DPP6: variants seen among roughly 807,000 people sequenced by gnomAD.
DPP6 encodes A-type potassium channel modulatory protein DPP6.
A neutral mutation model predicts 122.6 loss-of-function variants in DPP6; 69 were observed. That is an observed-to-expected ratio of 0.56 (90% CI 0.46 to 0.69). The LOEUF is 0.69. Ranked by LOEUF, DPP6 falls within the 30% of genes least tolerant of loss-of-function variation. The probability of loss-of-function intolerance (pLI) is 0.00; values close to 1 mark genes in which losing one functional copy is unlikely to be tolerated. For missense variants in DPP6, 928 were observed against 1,116.9 expected (o/e 0.83, Z 2.41); for synonymous variants, 418 against 433.1 (o/e 0.97, Z 0.43).
intron 1 of DPP6, among the ~76,000 whole-genome samples, chr7:154,415,833 C>A (rs1210819522): frequency 6.6e-6 from 1 of 150,820 alleles, no homozygotes; most frequent in African/African-American, 2.4e-5. Flanking sequence ...TTTGAGGCAT[C>A]CAAAAATGAC....
At chr7:154,583,106 C>T (rs1252996521) in intron 5 of DPP6, among the ~76,000 whole-genome samples, 1 of 152,200 alleles carries the variant, frequency 6.6e-6, no homozygotes, top group African/African-American at 2.4e-5. Context: ...AAACTCTCAC[C>T]CATCTTACCA....
At chr7:154,592,949 T>G (rs1226384237) in intron 5 of DPP6, among the ~76,000 whole-genome samples, 1 of 152,028 alleles carries the variant, frequency 6.6e-6, no homozygotes, top group African/African-American at 2.4e-5. Context: ...TGAAGGCTGT[T>G]GAAGAAACAG....
chr7:153,829,229 T>A, the DPP6 span, among the ~76,000 whole-genome samples: 1 of 152,138 alleles, frequency 6.6e-6, no homozygotes, highest in Non-Finnish European at 1.5e-5. Flanking sequence ...TCCCTTTTAT[T>A]TTGAGACAGA....
intron 1 of DPP6, among the ~76,000 whole-genome samples, chr7:154,382,247 C>A (rs1006489812): frequency 6.6e-6 from 1 of 151,870 alleles, no homozygotes; most frequent in Non-Finnish European, 1.5e-5. Flanking sequence ...GAGTGCAGTG[C>A]TGCAATCTTG....
intron 1 of DPP6, among the ~76,000 whole-genome samples, chr7:154,239,185 C>T (rs1022938348): frequency 6.6e-6 from 1 of 152,220 alleles, no homozygotes; most frequent in South Asian, 2.1e-4. Flanking sequence ...TTCTGTCCAC[C>T]ATTTGTACTC....
At chr7:154,790,396 C>T (rs1205238549) in intron 10 of DPP6, among the ~76,000 whole-genome samples, 1 of 152,114 alleles carries the variant, frequency 6.6e-6, no homozygotes, top group East Asian at 1.9e-4. Context: ...AAGAACTGCC[C>T]AAAATGTGAG....
rs565426822 is a variant in DPP6 at position 154,815,845 on chromosome 7, A to G, written c.1666+8733A>G. ...CAGACTTTAAGAAGTTTGGTCTTAG[A>G]CTTAGCAGATTGGTTTATCAAGACA... On this transcript the variant is annotated intron_variant, in intron 16 of 25. Transcript: ENST00000377770. Among the ~76,000 whole-genome samples the G allele has an allele frequency of 2.0e-5, 3 of 152,278 alleles. No individual in the cohort carries two copies. The South Asian group carries it at 6.2e-4, about 32-fold the overall frequency.
At chr7:153,816,643 C>T in the DPP6 span, among the ~76,000 whole-genome samples, 1 of 152,132 alleles carries the variant, frequency 6.6e-6, no homozygotes, top group African/African-American at 2.4e-5. Flanking sequence ...GAGGAAGCCA[C>T]AGACCAAGAT....
intron 4 of DPP6, among the ~76,000 whole-genome samples, chr7:154,562,554 C>T (rs936634051): frequency 2.0e-5 from 3 of 152,122 alleles, no homozygotes; most frequent in African/African-American, 7.2e-5. Flanking sequence ...GCTGTTCACT[C>T]TCACTACTTC....
intron 1 of DPP6, among the ~76,000 whole-genome samples, chr7:154,256,649 A>G (rs770841511): frequency 5.3e-5 from 8 of 152,138 alleles, no homozygotes; most frequent in Non-Finnish European, 8.8e-5. Flanking sequence ...ATCATAACCA[A>G]ATAACAAAGG....
rs182666907 is a variant in DPP6 at position 153,979,895 on chromosome 7, C to T, written c.51+92161C>T. Among the ~76,000 whole-genome samples the T allele has an allele frequency of 3.9e-5, 6 of 152,212 alleles. No homozygotes were observed. The East Asian group carries it at 7.7e-4, about 20-fold the overall frequency. On this transcript the variant is annotated intron_variant, in intron 1 of 25. Transcript: ENST00000404039. The stretch of plus-strand genomic sequence containing the variant: ...CACCCTTACATCCCAGAGTTGAAGC[C>T]GAGTTGATCATGGTGGATAAGCTTT...
At chr7:153,813,669 A>G in the DPP6 span, among the ~76,000 whole-genome samples, 1 of 151,934 alleles carries the variant, frequency 6.6e-6, no homozygotes, top group Non-Finnish European at 1.5e-5. Context: ...CTATTTCTTC[A>G]CATCCTCTCC....
chr7:154,722,904 C>CA (rs1563141610), intron 7 of DPP6, among the ~76,000 whole-genome samples: 1 of 152,148 alleles, frequency 6.6e-6, no homozygotes, highest in Non-Finnish European at 1.5e-5. Flanking sequence ...GTTAGCATCG[C>CA]AAAACCACAG....
chr7:154,873,840 A>G (rs1346985060), intron 19 of DPP6, among the ~76,000 whole-genome samples: 6 of 148,818 alleles, frequency 4.0e-5, no homozygotes, highest in Admixed American at 4.0e-4. Context: ...ATAAACACAC[A>G]CATATGCATA....
At chr7:154,544,548 T>C (rs1332924262) in intron 4 of DPP6, among the ~76,000 whole-genome samples, 3 of 152,190 alleles carry the variant, frequency 2.0e-5, no homozygotes, top group Non-Finnish European at 4.4e-5. Flanking sequence ...ACAATAGAGT[T>C]GAGCAGTTTT....
rs951210842 is a variant in DPP6, at chr7:154,347,589, A to G, written c.244-98625A>G. On this transcript the variant is annotated intron_variant, in intron 1 of 25. Transcript: ENST00000377770. ...TAGTGTTTTGGTGTTTAATCTGTAT[A>G]CATATAAATATGCCTATCTCCTCTC... Among the ~76,000 whole-genome samples, 3 of 152,348 alleles carry G rather than the reference A, an allele frequency of 2.0e-5. No homozygotes were observed. In the South Asian group the frequency reaches 6.2e-4, roughly 32 times the overall value.
chr7:153,977,071 C>T (rs563076803), intron 1 of DPP6, among the ~76,000 whole-genome samples: 3 of 152,274 alleles, frequency 2.0e-5, no homozygotes, highest in African/African-American at 7.2e-5. Flanking sequence ...TTCATGTCAC[C>T]AAAGAGCCTT....
intron 5 of DPP6, among the ~76,000 whole-genome samples, chr7:154,636,835 C>T (rs73165048): frequency 0.054 from 8,244 of 152,228 alleles, 285 homozygotes; most frequent in Non-Finnish European, 0.074. Flanking sequence ...AGTACTCTAC[C>T]TTGGATATGT....
chr7:153,781,156 G>A, the DPP6 span, among the ~76,000 whole-genome samples: 9 of 152,268 alleles, frequency 5.9e-5, no homozygotes, highest in East Asian at 1.9e-4. Context: ...ATCTATGCAC[G>A]TCACGATAAT....
Sources: gnomAD v4.1 joint callset for allele counts (sites outside exome capture counted in the v4.1 genomes callset) on GRCh38, gnomAD v4.1.1 for gene constraint, MANE v1.5 for transcripts, NCBI Gene and HGNC (gene_info 2026-07-23, HGNC 2026-07-21) for gene names.